The following CYBB variants were observed in gnomAD, a reference collection of about 807,000 sequenced individuals.
The protein encoded by CYBB is NADPH oxidase 2.
A neutral mutation model predicts 46.5 loss-of-function variants in CYBB; 5 were observed. That is an observed-to-expected ratio of 0.11 (90% CI 0.06 to 0.23). The LOEUF (loss-of-function observed/expected upper bound fraction) is 0.23. CYBB is among the 10% of genes least tolerant of loss of function. The pLI is 1.00. For synonymous variants in CYBB, 183 were observed against 156.7 expected, an observed-to-expected ratio of 1.17 and a Z score of -1.26; for missense variants, 307 against 428.3, an observed-to-expected ratio of 0.72 and a Z score of 2.50.
Position 37,805,043 on chromosome X carries a change from G to T in CYBB, c.1189G>T (p.Asp397Tyr), listed in dbSNP as rs1556471167. 1 of 1,211,766 alleles carries T rather than the reference G, an allele frequency of 8.3e-7. No individual in the cohort carries two copies. Among genetic ancestry groups the T allele is most frequent in the Admixed American group, 2.2e-5 (1 of 46,032 alleles). ...VDGPFGTASE[D>Y]VFSYEVVMLV... is the part of the protein sequence containing the mutation. Reference sequence around the variant, plus strand: ...TGGGCCCTTTGGCACTGCCAGTGAAGATGTGTTCAGCTATGAGGTGGTGAT... The same window carrying T: ...TGGGCCCTTTGGCACTGCCAGTGAATATGTGTTCAGCTATGAGGTGGTGAT... Residue 397 changes from aspartate (D) to tyrosine (Y), a missense_variant, in exon 10 of 13, where the codon GAT (aspartate) becomes TAT (tyrosine). Coordinates refer to ENST00000378588, the MANE Select transcript of CYBB (RefSeq NM_000397.4).
chrX:37,790,283 A>T (rs1000465301), intron 3 of CYBB, among the ~76,000 whole-genome samples: 4 of 111,292 alleles, frequency 3.6e-5, no homozygotes, highest in Non-Finnish European at 7.5e-5. Flanking sequence ...TTCTATGACC[A>T]CCTTCCGGAT....
At chrX:37,794,224 T>C (rs2146810565) in intron 5 of CYBB, among the ~76,000 whole-genome samples, 1 of 112,084 alleles carries the variant, frequency 8.9e-6, no homozygotes, top group African/African-American at 3.2e-5. Context: ...GGATTTAGAA[T>C]TTAGGATTCT....
rs1928957616 is a variant in CYBB, at chrX:37,781,823, G to T, written c.46-265G>T. 2.7e-5 allele frequency among the ~76,000 whole-genome samples: 3 copies of T among 111,645 alleles called. No individual in the cohort carries two copies. The Admixed American group carries it at 2.8e-4, about 11-fold the overall frequency. On this transcript the variant is annotated intron_variant, in intron 1 of 12. Coordinates refer to ENST00000378588, the MANE Select transcript of CYBB (RefSeq NM_000397.4). ...AAGAGAGGGGAAAAAAAGGGAGTGG[G>T]GTAATGTAAGACTGATAATTTGGTA...
intron 3 of CYBB, among the ~76,000 whole-genome samples, chrX:37,791,195 T>C (rs1929190434): frequency 9.0e-6 from 1 of 111,261 alleles, no homozygotes; most frequent in East Asian, 2.8e-4. Context: ...GACCTAAGGC[T>C]AGGTAAACTC....
In CYBB at chrX:37,784,679, C is replaced by T. The variant is rs144353030; in HGVS notation, c.252+1079C>T. ...GACCAATTCCGTGGTTCATTAATGA[C>T]TAGTAGCTTCTAGGTTTTTTTTAAA... On this transcript the variant is annotated intron_variant, in intron 3 of 12. Transcript: ENST00000378588. Among the ~76,000 whole-genome samples, 195 of 111,129 alleles carry T rather than the reference C, an allele frequency of 1.8e-3. 2 individuals carry two copies. Among genetic ancestry groups the T allele is most frequent in the African/African-American group, 6.1e-3 (185 of 30,571 alleles).
intron 7 of CYBB, among the ~76,000 whole-genome samples, chrX:37,799,536 T>C (rs1929393194): frequency 1.8e-5 from 2 of 111,663 alleles, no homozygotes; most frequent in Non-Finnish European, 3.8e-5. Context: ...GATGAGGTGG[T>C]ACATAAGGCT....
In CYBB at chrX:37,804,045, C is replaced by T; in HGVS notation, c.1066C>T (p.Arg356Cys). Residue 356 changes from arginine (R) to cysteine (C), a missense_variant, in exon 9 of 13, where the codon CGC (arginine) becomes TGC (cysteine). Around this residue, in one of 3 missense-constraint regions of CYBB, gnomAD observed 122 missense variants for 208.3 expected, o/e 0.59. Transcript: ENST00000378588. ...GGAAGACTTCTTTAGTATCCATATC[C>T]GCATCGTTGGGGACTGGACAGAGGG... ...PEEDFFSIHI[R>C]IVGDWTEGLF... 2.5e-6 allele frequency: 3 copies of T among 1,210,801 alleles called. No homozygotes were observed. The highest frequency in any genetic ancestry group is 3.4e-6 in the Non-Finnish European group (3 of 894,924).
At chrX:37,786,294 G>A (rs1380631700) in intron 3 of CYBB, among the ~76,000 whole-genome samples, 3 of 111,589 alleles carry the variant, frequency 2.7e-5, no homozygotes, top group African/African-American at 9.8e-5. Context: ...GGAAGTGTTG[G>A]CATTCAAACC....
chrX:37,806,628 T>A, intron 11 of CYBB, 95 bp downstream of exon 11: 1 of 859,357 alleles, frequency 1.2e-6, no homozygotes, highest in African/African-American at 2.0e-5. Flanking sequence ...TACTATTTTT[T>A]CTAAGTATGT....
chrX:37,792,140 T>C, intron 4 of CYBB, 81 bp downstream of exon 4: 1 of 637,739 alleles, frequency 1.6e-6, no homozygotes. Context: ...TCAACCAGTT[T>C]TATAGTTAGA....
intron 8 of CYBB, among the ~76,000 whole-genome samples, chrX:37,803,263 GT>G (rs1183490904): frequency 4.9e-4 from 54 of 110,545 alleles, no homozygotes; most frequent in African/African-American, 1.6e-3. Context: ...AGTTATTGCG[GT>G]TTTTGCCATT....
chrX:37,793,328 T>C (rs782717734), intron 4 of CYBB, among the ~76,000 whole-genome samples: 1 of 110,078 alleles, frequency 9.1e-6, no homozygotes, highest in Non-Finnish European at 1.9e-5. Context: ...AGAGCATATC[T>C]AAACACCTTC....
At chrX:37,797,849 A>C (rs1929346000) in intron 6 of CYBB, among the ~76,000 whole-genome samples, 1 of 111,863 alleles carries the variant, frequency 8.9e-6, no homozygotes, top group African/African-American at 3.3e-5. Context: ...CACAAAACAC[A>C]ATTGTTTTCA....
chrX:37,809,824 A>G, intron 12 of CYBB, 133 bp downstream of exon 12: 1 of 636,562 alleles, frequency 1.6e-6, no homozygotes, highest in Non-Finnish European at 2.4e-6. Context: ...ATTCATGCCC[A>G]ACAGAAGATT....
At chrX:37,805,349 A>G (rs1556471280) in intron 10 of CYBB, among the ~76,000 whole-genome samples, 181 bp downstream of exon 10, 2 of 111,865 alleles carry the variant, frequency 1.8e-5, no homozygotes, top group African/African-American at 6.5e-5. Flanking sequence ...ATGTGCTTCT[A>G]GATAAGTAGG....
Position 37,813,318 on chromosome X carries a change from A to T in CYBB, c.*2401A>T, listed in dbSNP as rs1321852397. On this transcript the variant is annotated 3_prime_UTR_variant, in exon 13 of 13. Transcript: ENST00000378588. The stretch of plus-strand genomic sequence containing the variant: ...TCTTAAGACTATGAAGGTTTTTCTT[A>T]GTTCTTCTGCTTTTGCAATTGTGTT... 9.9e-6 allele frequency: 1 copy of T among 100,974 alleles called. No homozygotes were observed. Among genetic ancestry groups the T allele is most frequent in the Non-Finnish European group, 2.0e-5 (1 of 50,364 alleles). 8.3% of individuals were successfully genotyped at this position (100,974 alleles called of 1,213,427 possible). A position where few individuals can be genotyped will look rare whatever the true frequency, so the allele number is the denominator to read the frequency against.
At chrX:37,780,877 A>G (rs1301174982) in intron 1 of CYBB, among the ~76,000 whole-genome samples, 7 of 111,621 alleles carry the variant, frequency 6.3e-5, no homozygotes, top group African/African-American at 2.3e-4. Context: ...GCAATAATGG[A>G]CAAATTGGGT....
Position 37,810,934 on chromosome X carries a change from G to T in CYBB, c.*17G>T, listed in dbSNP as rs756962345. 8.4e-7 allele frequency: 1 copy of T among 1,196,730 alleles called. No individual in the cohort carries two copies. The highest frequency in any genetic ancestry group is 1.8e-5 in the South Asian group (1 of 56,513). ...AACTTCTAACTTGTCTCTTCCATGA[G>T]GAAATAAATGTGGGTTGTGCTGCCA... On this transcript the variant is annotated 3_prime_UTR_variant, in exon 13 of 13. Transcript: ENST00000378588.
rs1479015615 is a variant in CYBB, at chrX:37,797,222, G to A, written c.674+1081G>A. 1.8e-5 allele frequency among the ~76,000 whole-genome samples: 2 copies of A among 111,636 alleles called. No individual in the cohort carries two copies. The highest frequency in any genetic ancestry group is 3.8e-5 in the Non-Finnish European group (2 of 53,039). On this transcript the variant is annotated intron_variant, in intron 6 of 12. Transcript: ENST00000378588. The stretch of plus-strand genomic sequence containing the variant: ...GTGACCCCTGATAAACTCTTTGTAA[G>A]CATGGAGAAATCAATGGAGACCAAG...
Sources: gnomAD v4.1 joint callset for allele counts (sites outside exome capture counted in the v4.1 genomes callset) on GRCh38, gnomAD v4.1.1 for gene constraint, gnomAD v4.1.1 regional missense constraint, MANE v1.5 for transcripts, NCBI Gene and HGNC (gene_info 2026-07-23, HGNC 2026-07-21) for gene names.